The following ANKRD44 variants were observed in gnomAD, a reference collection of about 807,000 sequenced individuals.
The protein encoded by ANKRD44 is serine/threonine-protein phosphatase 6 regulatory ankyrin repeat subunit B.
ANKRD44 carries 35 observed loss-of-function variants against 116.0 expected under a neutral mutation model. The observed-to-expected ratio is 0.30, with a 90% CI of 0.23 to 0.40. The LOEUF (loss-of-function observed/expected upper bound fraction) is 0.40. ANKRD44 is among the 10% of genes least tolerant of loss of function. The pLI, the probability that ANKRD44 is intolerant of heterozygous loss-of-function variation, is 1.00. For missense variants in ANKRD44, 1,014 were observed against 1,242.6 expected, an observed-to-expected ratio of 0.82 and a Z score of 2.77; for synonymous variants, 435 against 461.8, an observed-to-expected ratio of 0.94 and a Z score of 0.74.
chr2:196,997,554 A>G (rs1405302268), intron 25 of ANKRD44, among the ~76,000 whole-genome samples: 1 of 150,568 alleles, frequency 6.6e-6, no homozygotes, highest in Non-Finnish European at 1.5e-5. Flanking sequence ...GGTTCAAACG[A>G]TTCTCCTGGC....
chr2:197,040,452 C>T (rs1177087333), intron 16 of ANKRD44, among the ~76,000 whole-genome samples: 1 of 143,042 alleles, frequency 7.0e-6, no homozygotes, highest in Non-Finnish European at 1.5e-5. Flanking sequence ...TCTCAGCTCA[C>T]TGCAACTTCC....
At chr2:197,096,983 A>G (rs922037356) in intron 10 of ANKRD44, among the ~76,000 whole-genome samples, 2 of 152,214 alleles carry the variant, frequency 1.3e-5, no homozygotes, top group African/African-American at 4.8e-5. Flanking sequence ...GAAAGCAGAC[A>G]TGGCTCTTTC....
chr2:197,054,937 C>T (rs1442040879), intron 16 of ANKRD44, among the ~76,000 whole-genome samples: 1 of 152,196 alleles, frequency 6.6e-6, no homozygotes, highest in African/African-American at 2.4e-5. Context: ...GGCTCTCATC[C>T]ATTCCATGCT....
At chr2:197,079,873 T>C (rs1386705106) in intron 15 of ANKRD44, among the ~76,000 whole-genome samples, 42 of 152,130 alleles carry the variant, frequency 2.8e-4, no homozygotes, top group Admixed American at 2.7e-3. Flanking sequence ...ATAGGGACAA[T>C]TAAAACAGAC....
chr2:196,980,169 C>T (rs552459940), intron 21 of ANKRD44, among the ~76,000 whole-genome samples: 2 of 152,232 alleles, frequency 1.3e-5, no homozygotes, highest in Admixed American at 1.3e-4. Context: ...TGGCACCAAC[C>T]GAGCCCTTTA....
chr2:197,219,216 T>C (rs910730960), intron 1 of ANKRD44, among the ~76,000 whole-genome samples: 5 of 151,754 alleles, frequency 3.3e-5, no homozygotes, highest in Non-Finnish European at 7.4e-5. Flanking sequence ...ACTACAGGCA[T>C]ATGCCACCAC....
chr2:197,230,964 C>CAG, intron 1 of ANKRD44, among the ~76,000 whole-genome samples: 1 of 152,244 alleles, frequency 6.6e-6, no homozygotes, highest in East Asian at 1.9e-4. Context: ...TCTGGCTCTA[C>CAG]CCACCTGAAA....
At chr2:197,230,263 C>A (rs762352777) in intron 1 of ANKRD44, among the ~76,000 whole-genome samples, 2 of 152,172 alleles carry the variant, frequency 1.3e-5, no homozygotes, top group Non-Finnish European at 2.9e-5. Context: ...TGTTCTTCTT[C>A]CTCTGCCTTA....
At chr2:197,014,185 A>G (rs2076346900) in intron 17 of ANKRD44, among the ~76,000 whole-genome samples, 1 of 152,192 alleles carries the variant, frequency 6.6e-6, no homozygotes, top group South Asian at 2.1e-4. Flanking sequence ...AGGCATGTAG[A>G]TGTTCTGTTA....
intron 1 of ANKRD44, among the ~76,000 whole-genome samples, chr2:197,278,285 A>G (rs1176366100): frequency 7.2e-6 from 1 of 139,158 alleles, no homozygotes; most frequent in Non-Finnish European, 1.5e-5. Context: ...AGAAATAAAG[A>G]TGAAATCCAT....
intron 11 of ANKRD44, chr2:197,089,000 C>T (rs1574433074): frequency 2.4e-6 from 1 of 423,196 alleles, no homozygotes; most frequent in East Asian, 3.6e-5. Flanking sequence ...TTTTCACATT[C>T]AGCCCTGGGT....
intron 1 of ANKRD44, among the ~76,000 whole-genome samples, chr2:197,276,866 TC>T (rs2083101672): frequency 6.6e-6 from 1 of 151,494 alleles, no homozygotes; most frequent in Non-Finnish European, 1.5e-5. Context: ...TCATAAAAAA[TC>T]CAGGTGCCTA....
chr2:197,047,910 A>G (rs560322731), intron 16 of ANKRD44, among the ~76,000 whole-genome samples: 1 of 150,502 alleles, frequency 6.6e-6, no homozygotes, highest in East Asian at 1.9e-4. Context: ...ACTCCGCAAA[A>G]AGAAAAAAAA....
chr2:197,056,264 C>G (rs1027294491), intron 16 of ANKRD44, among the ~76,000 whole-genome samples: 1 of 151,830 alleles, frequency 6.6e-6, no homozygotes, highest in Admixed American at 6.6e-5. Context: ...AATTTAAAAT[C>G]AGCTTTTCAA....
chr2:197,046,870 T>A (rs1325500725), intron 16 of ANKRD44, among the ~76,000 whole-genome samples: 1 of 152,182 alleles, frequency 6.6e-6, no homozygotes, highest in African/African-American at 2.4e-5. Flanking sequence ...GGTTTTCCCA[T>A]GAATAGAAAT....
chr2:197,192,220 G>A (rs993390833), intron 1 of ANKRD44, among the ~76,000 whole-genome samples: 1 of 152,158 alleles, frequency 6.6e-6, no homozygotes, highest in Non-Finnish European at 1.5e-5. Flanking sequence ...TGGAAGATAG[G>A]CAGAGTGACA....
chr2:197,053,710 T>C (rs2077155095), intron 16 of ANKRD44, among the ~76,000 whole-genome samples: 1 of 152,172 alleles, frequency 6.6e-6, no homozygotes, highest in South Asian at 2.1e-4. Context: ...CATGAACTCC[T>C]CACCTCAGGT....
intron 1 of ANKRD44, among the ~76,000 whole-genome samples, chr2:197,200,376 A>G (rs1011636847): frequency 2.0e-5 from 3 of 152,178 alleles, no homozygotes; most frequent in African/African-American, 7.2e-5. Context: ...GTATTTTGGA[A>G]TGACAAATGA....
chr2:197,109,981 A>T (rs971839252), intron 9 of ANKRD44, among the ~76,000 whole-genome samples: 3 of 148,472 alleles, frequency 2.0e-5, no homozygotes, highest in East Asian at 2.0e-4. Context: ...AAGCCTGTGA[A>T]TTTTTTTTTT....
Sources: gnomAD v4.1 joint callset for allele counts (sites outside exome capture counted in the v4.1 genomes callset) on GRCh38, gnomAD v4.1.1 for gene constraint, MANE v1.5 for transcripts, NCBI Gene and HGNC (gene_info 2026-07-23, HGNC 2026-07-21) for gene names.